Variants in ACSS1 observed in about 807,000 individuals in gnomAD.
ACSS1 encodes the protein acyl-CoA synthetase short chain family member 1.
In ACSS1, 42 loss-of-function variants were observed where a neutral mutation model predicts 75.3. The ratio of observed to expected loss-of-function variants is 0.56; its 90% CI spans 0.44 to 0.72. ACSS1 has a LOEUF of 0.72. ACSS1 is among the 30% of genes least tolerant of loss of function. ACSS1 has a pLI of 0.00. For synonymous variants in ACSS1, 380 were observed against 376.8 expected (o/e 1.01, Z -0.10); for missense variants, 782 against 935.7 (o/e 0.84, Z 2.14).
chr20:25,054,225 C>T (rs372126553), intron 1 of ACSS1, among the ~76,000 whole-genome samples: 5 of 152,296 alleles, frequency 3.3e-5, no homozygotes, highest in African/African-American at 9.6e-5. Context: ...GCATGCTCTC[C>T]GAAGCCTATT....
At chr20:25,037,477 A>C (rs1437107856) in intron 2 of ACSS1, among the ~76,000 whole-genome samples, 1 of 152,226 alleles carries the variant, frequency 6.6e-6, no homozygotes, top group Non-Finnish European at 1.5e-5. Flanking sequence ...AAGGGAAGTA[A>C]ACCCAGGTAA....
At chr20:25,050,028 C>CGA (rs933804481) in intron 1 of ACSS1, among the ~76,000 whole-genome samples, 2 of 151,944 alleles carry the variant, frequency 1.3e-5, no homozygotes, top group African/African-American at 4.8e-5. Flanking sequence ...TTCAGGCAGG[C>CGA]GACAGGAACA....
At chr20:25,050,562 T>C (rs1382020861) in intron 1 of ACSS1, among the ~76,000 whole-genome samples, 1 of 151,804 alleles carries the variant, frequency 6.6e-6, no homozygotes, top group African/African-American at 2.4e-5. Context: ...CCCGGAAGAG[T>C]GGCCTGCCCA....
At chr20:25,031,909 C>T (rs1238651185) in intron 2 of ACSS1, among the ~76,000 whole-genome samples, 6 of 152,208 alleles carry the variant, frequency 3.9e-5, no homozygotes, top group Admixed American at 3.3e-4. Context: ...TCGAGGGGCA[C>T]CAAATAATGC....
Position 25,013,560 on chromosome 20 carries a change from C to T in ACSS1, c.1555G>A (p.Asp519Asn). The part of the protein sequence containing the change: ...TIYGDHQRFV[D>N]AYFKAYPGYY... ...CCTGGGTAGGCCTTGAAGTAGGCGT[C>T]CACAAATCGCTGGTGGTCGCCATAG... The change falls in exon 10 of 14, where the codon GAC becomes AAC. Residue 519 changes from aspartate to asparagine, a missense_variant. This residue lies in a region of ACSS1 where 405 missense variants were observed against 552.6 expected (regional missense o/e 0.73). Transcript: ENST00000323482. The T allele has an allele frequency of 3.7e-6, 6 of 1,604,260 alleles. No individual in the cohort carries two copies. The highest frequency in any genetic ancestry group is 4.3e-6 in the Non-Finnish European group (5 of 1,171,856).
In ACSS1 at chr20:25,030,928, G is replaced by A. The variant is rs1373344098; in HGVS notation, c.462C>T (p.Ala154=). 27 of 1,614,192 alleles carry A rather than the reference G, an allele frequency of 1.7e-5. No individual in the cohort carries two copies. The highest frequency in any genetic ancestry group is 2.3e-5 in the Non-Finnish European group (27 of 1,180,020). ...GGACTCCATGCCTCTTCAGCGTGTT[G>A]GCCAGGCGGCACGTGGTCTCCAGTA... ...RELLETTCRL[A]NTLKRHGVHR... is the part of the protein sequence containing the mutation. Residue 154 remains alanine, a synonymous_variant, in exon 3 of 14, where the codon GCC becomes GCT. Transcript: ENST00000323482.
Position 25,057,773 on chromosome 20 carries a change from G to C in ACSS1, c.330C>G (p.Val110=), listed in dbSNP as rs547713515. The C allele has an allele frequency of 1.3e-6, 2 of 1,575,918 alleles. No individual in the cohort carries two copies. The highest frequency in any genetic ancestry group is 2.3e-5 in the South Asian group (2 of 88,700). ...GGTCTCCCGAAGCCCACTCACCAGA[G>C]ACATTTAACTGGCCTCCCAGGAACC... The part of the protein sequence containing the change: ...IGWFLGGQLN[V]SVNCLDQHVR... The change falls in exon 1 of 14, where the codon GTC becomes GTG. Residue 110 remains valine (V), a synonymous_variant. Transcript: ENST00000323482.
chr20:25,008,017 A>G, intron 13 of ACSS1, 76 bp from the exon 14 acceptor site: 1 of 1,523,786 alleles, frequency 6.6e-7, no homozygotes, highest in Non-Finnish European at 8.9e-7. Context: ...CATTAAGATC[A>G]GAAGGGCTCT....
At chr20:25,032,244 G>C in intron 2 of ACSS1, 8 of 868,560 alleles carry the variant, frequency 9.2e-6, no homozygotes, top group Non-Finnish European at 1.1e-5. Flanking sequence ...CCACCACTCA[G>C]GGCGCATCAT....
intron 3 of ACSS1, among the ~76,000 whole-genome samples, chr20:25,026,773 G>A (rs1168736505): frequency 6.6e-6 from 1 of 152,192 alleles, no homozygotes; most frequent in African/African-American, 2.4e-5. Flanking sequence ...CTTGTCCCCA[G>A]GAACCTGGTA....
chr20:25,008,015 T>G (rs1231964519), intron 13 of ACSS1, 74 bp from the exon 14 acceptor site: 2 of 1,523,428 alleles, frequency 1.3e-6, no homozygotes, highest in African/African-American at 2.7e-5. Flanking sequence ...TGCATTAAGA[T>G]CAGAAGGGCT....
At chr20:25,024,694 G>A (rs1302990410) in intron 3 of ACSS1, among the ~76,000 whole-genome samples, 2 of 152,186 alleles carry the variant, frequency 1.3e-5, no homozygotes, top group African/African-American at 4.8e-5. Context: ...ACACTTCCAA[G>A]ACAGACTCTG....
intron 13 of ACSS1, among the ~76,000 whole-genome samples, chr20:25,008,705 C>T (rs2088353706): frequency 6.6e-6 from 1 of 152,220 alleles, no homozygotes; most frequent in South Asian, 2.1e-4. Context: ...CTGCGATCTC[C>T]TTCACTGCCA....
chr20:25,012,369 G>C, intron 12 of ACSS1: 1 of 584,352 alleles, frequency 1.7e-6, no homozygotes, highest in Non-Finnish European at 3.0e-6. Flanking sequence ...TGGCCACTGT[G>C]GATGTGTGTC....
intron 1 of ACSS1, among the ~76,000 whole-genome samples, chr20:25,049,156 C>A (rs2089142706): frequency 1.3e-5 from 2 of 152,270 alleles, no homozygotes; most frequent in Admixed American, 6.5e-5. Flanking sequence ...CAGGAAAGTT[C>A]TTTGAACTAC....
chr20:25,019,892 C>T (rs893229810), intron 7 of ACSS1, 118 bp downstream of exon 7: 188 of 1,445,090 alleles, frequency 1.3e-4, no homozygotes, highest in Middle Eastern at 4.8e-4. Context: ...TCTGGCATTG[C>T]GTGAATTCAC....
At chr20:25,056,651 A>T (rs79075274) in intron 1 of ACSS1, among the ~76,000 whole-genome samples, 1 of 152,142 alleles carries the variant, frequency 6.6e-6, no homozygotes, top group South Asian at 2.1e-4. Context: ...CACAATGAGG[A>T]GACTGAGGGC....
At chr20:25,057,702 G>A (rs531333570) in intron 1 of ACSS1, 67 bp downstream of exon 1, 10 of 1,439,324 alleles carry the variant, frequency 6.9e-6, no homozygotes, top group Middle Eastern at 4.0e-4. Context: ...TGCCGCTGGC[G>A]AGAGGCTCCG....
rs988285258 is a variant in ACSS1 at position 25,023,754 on chromosome 20, T to C, written c.632-113A>G. 4.7e-6 allele frequency: 5 copies of C among 1,074,572 alleles called. 1 individual carries two copies. In the South Asian group the frequency reaches 5.0e-5, roughly 11 times the overall value. The allele number at this position is 1,074,572 out of a possible 1,614,324, so 66.6% of individuals were successfully genotyped here. A position where few individuals can be genotyped will look rare whatever the true frequency, so the allele number is the denominator to read the frequency against. Reference sequence around the variant, plus strand: ...GGAGTGTGAGAAACTCAGTCCAATCTTGAGTAAAAGACTCAATGGAAAAAG... The same window carrying C: ...GGAGTGTGAGAAACTCAGTCCAATCCTGAGTAAAAGACTCAATGGAAAAAG... On this transcript the variant is annotated intron_variant, in intron 3 of 13. Coordinates refer to ENST00000323482, the MANE Select transcript of ACSS1 (RefSeq NM_032501.4).
Sources: gnomAD v4.1 joint callset for allele counts (sites outside exome capture counted in the v4.1 genomes callset) on GRCh38, gnomAD v4.1.1 for gene constraint, gnomAD v4.1.1 regional missense constraint, MANE v1.5 for transcripts, NCBI Gene and HGNC (gene_info 2026-07-23, HGNC 2026-07-21) for gene names.